NECAB2: variants seen among roughly 807,000 people sequenced by gnomAD.
The protein encoded by NECAB2 is N-terminal EF-hand calcium-binding protein 2.
NECAB2 carries 68 observed loss-of-function variants against 51.9 expected under a neutral mutation model. The observed-to-expected ratio is 1.31, with a 90% confidence interval of 1.08 to 1.60. The LOEUF is 1.60. Ranked by LOEUF, NECAB2 falls within the 40% of genes most tolerant of loss-of-function variation. The probability of loss-of-function intolerance (pLI) is 0.00; values close to 1 mark genes in which losing one functional copy is unlikely to be tolerated. For synonymous variants in NECAB2, 329 were observed against 203.5 expected (o/e 1.62, Z -5.25); for missense variants, 854 against 490.3 (o/e 1.74, Z -7.00).
Position 83,997,205 on chromosome 16 carries a change from G to T in NECAB2, c.796-11G>T. 3 of 1,614,130 alleles carry T rather than the reference G, an allele frequency of 1.9e-6. No individual in the cohort carries two copies. The highest frequency in any genetic ancestry group is 1.3e-5 in the African/African-American group (1 of 75,034). On this transcript the variant is annotated splice_polypyrimidine_tract_variant and intron_variant, in intron 8 of 12. Transcript: ENST00000305202. ...CTGGGTCTAGCATCACTGTGTGCTG[G>T]ATTGTTTCAGGCACTGTGGTTCGAC...
chr16:84,001,540 C>G (rs1437789268), intron 11 of NECAB2, among the ~76,000 whole-genome samples: 3 of 152,070 alleles, frequency 2.0e-5, no homozygotes, highest in Admixed American at 1.3e-4. Flanking sequence ...GAGGATGGCC[C>G]CACTCCTCCT....
intron 11 of NECAB2, 63 bp from the exon 12 acceptor site, chr16:84,001,762 G>C: frequency 6.4e-7 from 1 of 1,567,372 alleles, no homozygotes; most frequent in Non-Finnish European, 8.8e-7. Context: ...AGGATTAACA[G>C]GGGAGCCACA....
upstream of NECAB2, chr16:83,965,523 G>C: frequency 6.2e-7 from 1 of 1,612,388 alleles, no homozygotes. Flanking sequence ...GCCTTCCGCC[G>C]GGCCGTGGAC....
chr16:83,976,843 T>A (rs1242855657), intron 2 of NECAB2, among the ~76,000 whole-genome samples: 2 of 152,194 alleles, frequency 1.3e-5, no homozygotes, highest in African/African-American at 4.8e-5. Flanking sequence ...ACCCCCCCTC[T>A]CCTGAGCTTA....
In NECAB2 at chr16:83,978,841, C is replaced by A. The variant is rs559768823; in HGVS notation, c.335+289C>A. ...TGGGATTATGAAAATGGGAAGGTGGCAATGACTTCATCCTTCTGCCATCTT... is the reference window on the plus strand; with the variant it reads ...TGGGATTATGAAAATGGGAAGGTGGAAATGACTTCATCCTTCTGCCATCTT... On this transcript the variant is annotated intron_variant, in intron 3 of 12. Transcript: ENST00000305202. Among the ~76,000 whole-genome samples, 7 of 152,152 alleles carry A rather than the reference C, an allele frequency of 4.6e-5. No individual in the cohort carries two copies. In the East Asian group the frequency reaches 9.7e-4, roughly 21 times the overall value.
At chr16:83,988,071 G>C (rs2084577487) in intron 5 of NECAB2, among the ~76,000 whole-genome samples, 1 of 152,192 alleles carries the variant, frequency 6.6e-6, no homozygotes, top group Non-Finnish European at 1.5e-5. Flanking sequence ...GTTGGTTACT[G>C]AATCTTTACA....
intron 8 of NECAB2, among the ~76,000 whole-genome samples, chr16:83,996,138 T>C (rs564662958): frequency 6.8e-4 from 103 of 152,326 alleles, no homozygotes; most frequent in African/African-American, 2.4e-3. Flanking sequence ...ATGGAGGCTC[T>C]AGGGGCCCCT....
chr16:83,992,384 G>T (rs4782870), intron 6 of NECAB2, among the ~76,000 whole-genome samples: 5 of 143,326 alleles, frequency 3.5e-5, no homozygotes, highest in African/African-American at 1.4e-4. Flanking sequence ...CCGTCCCCCC[G>T]CCCACCTCCA....
chr16:83,981,085 C>G lies in NECAB2; in HGVS notation c.417C>G (p.Thr139=), dbSNP rs747726498. Residue 139 remains threonine, a synonymous_variant, in exon 5 of 13, where the codon ACC becomes ACG. Coordinates refer to ENST00000305202, the MANE Select transcript of NECAB2 (RefSeq NM_019065.3). ...AGGATGTCCTGGCCTCCCTGGAGAC[C>G]TTGAATCACTCTGTCCTGAAGGCCA... ...DYEDVLASLE[T]LNHSVLKAMG... The G allele has an allele frequency of 1.2e-6, 2 of 1,614,160 alleles. No homozygotes were observed. The highest frequency in any genetic ancestry group is 1.3e-5 in the African/African-American group (1 of 75,024).
At position 83,998,234 on chromosome 16, in the gene NECAB2, C is replaced by T. The variant is rs367597054; in HGVS notation, c.879C>T (p.Ala293=). 1.9e-4 allele frequency: 314 copies of T among 1,611,878 alleles called. 2 individuals are homozygous for T. In the South Asian group the frequency reaches 2.0e-3, roughly 10 times the overall value. The change falls in exon 10 of 13, where the codon GCC becomes GCT. Residue 293 remains alanine, a synonymous_variant. Transcript: ENST00000305202. ...TGCAGCTGGTCCGGCAGGAGATGGCCGTGTGCCCCGAGCAACTGAGCGAGT... is the reference window on the plus strand; with the variant it reads ...TGCAGCTGGTCCGGCAGGAGATGGCTGTGTGCCCCGAGCAACTGAGCGAGT... ...MHLQLVRQEM[A]VCPEQLSEFL... is the part of the protein sequence containing the mutation.
rs1206814915 is a variant in NECAB2 at position 84,001,845 on chromosome 16, G to A, written c.1061G>A (p.Cys354Tyr). The A allele has an allele frequency of 2.5e-6, 4 of 1,614,120 alleles. No homozygotes were observed. Among genetic ancestry groups the A allele is most frequent in the Non-Finnish European group, 3.4e-6 (4 of 1,179,984 alleles). ...CACAGGCACCTGCAGAGCCCCCTGT[G>A]TAAGGCGTTCCGGCACGTCAAGGTG... is the stretch of plus-strand genomic sequence containing the variant. ...AWKRHLQSPL[C>Y]KAFRHVKVDT... Residue 354 changes from cysteine (C) to tyrosine (Y), a missense_variant, in exon 12 of 13, where the codon TGT (cysteine) becomes TAT (tyrosine). By Grantham distance (194) the Cys-to-Tyr change is radical. Transcript: ENST00000305202.
chr16:83,973,164 C>T (rs889632), intron 2 of NECAB2, among the ~76,000 whole-genome samples: 5 of 152,142 alleles, frequency 3.3e-5, no homozygotes, highest in Non-Finnish European at 5.9e-5. Flanking sequence ...GGGAAGAGCA[C>T]GCAACAGAGA....
At chr16:83,965,394 C>G, upstream of NECAB2, 7 of 1,574,768 alleles carry the variant, frequency 4.4e-6, no homozygotes, top group Non-Finnish European at 6.0e-6. Context: ...GCCCTGGAGG[C>G]CGCCACAAGG....
chr16:83,965,723 G>A (rs760586772), upstream of NECAB2: 16 of 1,613,544 alleles, frequency 9.9e-6, no homozygotes, highest in South Asian at 3.3e-5. Context: ...CGAGGGTGTC[G>A]AGAAGGTGTT....
At chr16:83,993,360 C>G (rs2084650628) in intron 6 of NECAB2, 1 of 152,276 alleles carries the variant, frequency 6.6e-6, no homozygotes, top group Non-Finnish European at 1.5e-5. Context: ...GTCGAGTTTG[C>G]TCCCTCCGCA....
At chr16:83,979,687 G>C (rs375977885) in intron 3 of NECAB2, among the ~76,000 whole-genome samples, 12 of 152,106 alleles carry the variant, frequency 7.9e-5, no homozygotes, top group African/African-American at 2.4e-4. Context: ...GGTAGAGGAG[G>C]GGGTGGAGGC....
At chr16:83,980,375 TGGGGATATG>T (rs2084470819) in intron 3 of NECAB2, among the ~76,000 whole-genome samples, 1 of 151,924 alleles carries the variant, frequency 6.6e-6, no homozygotes, top group South Asian at 2.1e-4. Flanking sequence ...GCTGTAGGAA[TGGGGATATG>T]GGACCCAGGG....
At chr16:83,995,071 G>GT (rs1462636638) in intron 8 of NECAB2, among the ~76,000 whole-genome samples, 1 of 152,232 alleles carries the variant, frequency 6.6e-6, no homozygotes, top group Admixed American at 6.5e-5. Flanking sequence ...GGATGAAAGA[G>GT]AGACGTGATG....
chr16:83,969,960 G>A (rs2084330913), intron 1 of NECAB2, among the ~76,000 whole-genome samples: 1 of 152,144 alleles, frequency 6.6e-6, no homozygotes, highest in Non-Finnish European at 1.5e-5. Context: ...AGCAGGGGGA[G>A]CTCTAGAGTG....
Sources: allele counts gnomAD v4.1 joint callset (sites outside exome capture counted in the v4.1 genomes callset), GRCh38; gene constraint gnomAD v4.1.1; transcripts MANE v1.5; gene names NCBI Gene and HGNC (gene_info 2026-07-23, HGNC 2026-07-21).